The following RGPD4 variants were observed in gnomAD, a reference collection of about 807,000 sequenced individuals.
The protein encoded by RGPD4 is RANBP2 like and GRIP domain containing 4.
Under a neutral mutation model 141.1 loss-of-function variants are expected in RGPD4, and 84 were observed. That is an observed-to-expected ratio of 0.60 (90% CI 0.50 to 0.71). The LOEUF is 0.71. Among genes scored for constraint, RGPD4 ranks in the 30% least tolerant of loss-of-function variants. RGPD4 has a pLI of 0.00. For synonymous variants in RGPD4, 298 were observed against 566.8 expected (o/e 0.53, Z 6.74); for missense variants, 918 against 1,622.4 (o/e 0.57, Z 7.46).
chr2:107,859,520 G>A lies in RGPD4; in HGVS notation c.1600G>A (p.Asp534Asn). 2 of 1,611,334 alleles carry A rather than the reference G, an allele frequency of 1.2e-6. No individual in the cohort carries two copies. Among genetic ancestry groups the A allele is most frequent in the Non-Finnish European group, 1.7e-6 (2 of 1,179,810 alleles). Residue 534 changes from aspartate (D) to asparagine (N), a missense_variant, in exon 11 of 23, where the codon GAT becomes AAT. Transcript: ENST00000408999. ...LCTERQKSWW[D>N]AVCTLIHRKA... The stretch of plus-strand genomic sequence containing the variant: ...TACAGAAAGACAAAAATCTTGGTGG[G>A]ATGCGGTTTGTACTCTGATTCACAG...
chr2:107,828,585 C>A (rs1354699980), intron 1 of RGPD4, among the ~76,000 whole-genome samples: 1 of 120,748 alleles, frequency 8.3e-6, no homozygotes, highest in African/African-American at 3.4e-5. Context: ...GTTGAGGCAG[C>A]GGCCTCGACC....
In RGPD4 at chr2:107,880,020, C is replaced by T. The variant is rs766961342; in HGVS notation, c.4977C>T (p.Leu1659=). 6.2e-7 allele frequency: 1 copy of T among 1,611,408 alleles called. No individual in the cohort carries two copies. The highest frequency in any genetic ancestry group is 2.2e-5 in the East Asian group (1 of 44,846). The change falls in exon 21 of 23, where the codon CTC becomes CTT. Residue 1659 remains leucine, a synonymous_variant. Coordinates refer to ENST00000408999, the MANE Select transcript of RGPD4 (RefSeq NM_182588.3). ...CCAAAGAAGAATTGGTTCAGAAGCTCAGTTCCACCACAAAAAGTGCAGATC... is the reference window on the plus strand; with the variant it reads ...CCAAAGAAGAATTGGTTCAGAAGCTTAGTTCCACCACAAAAAGTGCAGATC... The part of the protein sequence containing the change: ...EFTKEELVQK[L]SSTTKSADHL...
At chr2:107,846,385 C>T (rs928723275) in intron 6 of RGPD4, among the ~76,000 whole-genome samples, 9 of 151,860 alleles carry the variant, frequency 5.9e-5, no homozygotes, top group African/African-American at 1.9e-4. Context: ...TTATTTCTGT[C>T]AGTGTTTATT....
intron 21 of RGPD4, among the ~76,000 whole-genome samples, chr2:107,882,363 C>T (rs1675389948): frequency 6.6e-6 from 1 of 151,874 alleles, no homozygotes; most frequent in Admixed American, 6.6e-5. Context: ...TAGCTTAGGA[C>T]AGTGGAGTCC....
chr2:107,861,648 C>A lies in RGPD4; in HGVS notation c.2113C>A (p.Gln705Lys). 1.2e-6 allele frequency: 2 copies of A among 1,608,666 alleles called. No individual in the cohort carries two copies. The highest frequency in any genetic ancestry group is 1.4e-5 in the African/African-American group (1 of 73,714). ...AAATGATGCCCTTTCTCCTGAAGAA[C>A]AAGAAGAATGCAAAAATTATCTGAG... ...IANDALSPEE[Q>K]EECKNYLRKT... The change falls in exon 15 of 23, where the codon CAA becomes AAA. Residue 705 changes from glutamine to lysine, a missense_variant. Physicochemically the swap from Gln to Lys is moderately conservative, Grantham distance 53 (BLOSUM62 1). Transcript: ENST00000408999.
In RGPD4 at chr2:107,872,136, G is replaced by T. The variant is rs1027299920; in HGVS notation, c.4132G>T (p.Gly1378Cys). ...DKDVGQWKER[G>C]IGDIKILQNY... ...AGATGTTGGTCAATGGAAAGAAAGG[G>T]GCATTGGTGATATAAAGATTTTACA... The change falls in exon 20 of 23, where the codon GGC becomes TGC. Residue 1378 changes from glycine (G) to cysteine (C), a missense_variant. Coordinates refer to ENST00000408999, the MANE Select transcript of RGPD4 (RefSeq NM_182588.3). 2 of 1,611,352 alleles carry T rather than the reference G, an allele frequency of 1.2e-6. 1 individual carries two copies. Among genetic ancestry groups the T allele is most frequent in the African/African-American group, 2.7e-5 (2 of 74,452 alleles).
chr2:107,885,569 C>T (rs1366823076), intron 22 of RGPD4, among the ~76,000 whole-genome samples: 1 of 151,884 alleles, frequency 6.6e-6, no homozygotes, highest in Admixed American at 6.6e-5. Flanking sequence ...CATTGGAAAC[C>T]CAGAACTCTA....
rs766685809 is a variant in RGPD4 at position 107,871,627 on chromosome 2, T to G, written c.3623T>G (p.Phe1208Cys). 60 of 1,602,240 alleles carry G rather than the reference T, an allele frequency of 3.7e-5. 1 individual carries two copies. In the African/African-American group the frequency reaches 6.0e-4, roughly 16 times the overall value. Residue 1208 changes from phenylalanine (F) to cysteine (C), a missense_variant, in exon 20 of 23, where the codon TTT becomes TGT. Phe to Cys is a radical substitution (Grantham distance 205, BLOSUM62 -2). Transcript: ENST00000408999. ...AGTGGACTGAAAGATTTCAAAACAT[T>G]TTTGACAAATGATCAAACAAAAGTC... ...MKSGLKDFKT[F>C]LTNDQTKVTE...
At position 107,872,112 on chromosome 2, in the gene RGPD4, G is replaced by C. The variant is rs759337331; in HGVS notation, c.4108G>C (p.Asp1370His). The C allele has an allele frequency of 6.4e-5, 103 of 1,611,190 alleles. No homozygotes were observed. In the Admixed American group the frequency reaches 1.7e-3, roughly 26 times the overall value. The change falls in exon 20 of 23, where the codon GAT becomes CAT. Residue 1370 changes from aspartate (D) to histidine (H), a missense_variant. Asp to His is a moderately conservative substitution (Grantham distance 81). Coordinates refer to ENST00000408999, the MANE Select transcript of RGPD4 (RefSeq NM_182588.3). ...HRAELYRYDK[D>H]VGQWKERGIG... ...GGCAGAACTCTACAGATATGATAAA[G>C]ATGTTGGTCAATGGAAAGAAAGGGG... is the stretch of plus-strand genomic sequence containing the variant.
chr2:107,859,562 G>C lies in RGPD4; in HGVS notation c.1634+8G>C. ...GATTCACAGAAAAGCAGTGTAAGTAGTAAAACAAAAATATTGCTTTCACTT... is the reference window on the plus strand; with the variant it reads ...GATTCACAGAAAAGCAGTGTAAGTACTAAAACAAAAATATTGCTTTCACTT... On this transcript the variant is annotated splice_region_variant and intron_variant, in intron 11 of 22. Transcript: ENST00000408999. 3 of 1,611,486 alleles carry C rather than the reference G, an allele frequency of 1.9e-6. No homozygotes were observed. The highest frequency in any genetic ancestry group is 2.3e-4 in the Middle Eastern group (1 of 4,428).
Position 107,871,235 on chromosome 2 carries a change from G to A in RGPD4, c.3231G>A (p.Trp1077Ter), listed in dbSNP as rs1259819312. The change falls in exon 20 of 23, where the codon TGG becomes TGA. Residue 1077 changes from tryptophan (W) to a stop codon, truncating the protein, a stop_gained. Coordinates refer to ENST00000408999, the MANE Select transcript of RGPD4 (RefSeq NM_182588.3). LOFTEE classifies it high-confidence loss of function. ...GATTTGATGCTGAGGTAAGGCAGTGGAAAGAAAGGGGCTTGGGGAACTTAA... is the reference window on the plus strand; with the variant it reads ...GATTTGATGCTGAGGTAAGGCAGTGAAAAGAAAGGGGCTTGGGGAACTTAA... ...LFRFDAEVRQ[W>*]KERGLGNLKI... 2 of 1,609,250 alleles carry A rather than the reference G, an allele frequency of 1.2e-6. No individual in the cohort carries two copies. The highest frequency in any genetic ancestry group is 1.7e-6 in the Non-Finnish European group (2 of 1,179,614).
rs1682927700 is a variant in RGPD4 at position 107,871,717 on chromosome 2, C to T, written c.3713C>T (p.Pro1238Leu). The change falls in exon 20 of 23, where the codon CCC becomes CTC. Residue 1238 changes from proline to leucine, a missense_variant. Coordinates refer to ENST00000408999, the MANE Select transcript of RGPD4 (RefSeq NM_182588.3). ...GGTGCCTCAGACACAACAATAAAAC[C>T]CAATCCTGAAAACACTGGGCCCACA... is the stretch of plus-strand genomic sequence containing the variant. ...AAGASDTTIK[P>L]NPENTGPTLE... The T allele has an allele frequency of 1.2e-6, 2 of 1,610,376 alleles. No homozygotes were observed. The highest frequency in any genetic ancestry group is 2.2e-5 in the East Asian group (1 of 44,868).
At chr2:107,845,423 C>T (rs1048882521) in intron 6 of RGPD4, among the ~76,000 whole-genome samples, 1 of 150,222 alleles carries the variant, frequency 6.7e-6, no homozygotes, top group Non-Finnish European at 1.5e-5. Flanking sequence ...AGCCCTTGGC[C>T]CTCAGAGGGG....
Position 107,872,733 on chromosome 2 carries a change from T to A in RGPD4, c.4729T>A (p.Ser1577Thr). ...TTTGTTTGGATTTAGTTTTAATGCA[T>A]CTTTGAAAAGTAACAACAGTGAAAC... ...GSLFGFSFNA[S>T]LKSNNSETSS... The change falls in exon 20 of 23, where the codon TCT becomes ACT. Residue 1577 changes from serine to threonine, a missense_variant. Coordinates refer to ENST00000408999, the MANE Select transcript of RGPD4 (RefSeq NM_182588.3). 6.2e-7 allele frequency: 1 copy of A among 1,611,636 alleles called. No individual in the cohort carries two copies. The highest frequency in any genetic ancestry group is 8.5e-7 in the Non-Finnish European group (1 of 1,179,860).
chr2:107,859,716 T>G lies in RGPD4; in HGVS notation c.1635-6T>G, dbSNP rs770193262. On this transcript the variant is annotated splice_polypyrimidine_tract_variant and splice_region_variant and intron_variant, in intron 11 of 22. Transcript: ENST00000408999. ...AGCAATTTTAGTAAATTGAACTATT[T>G]TTTAGACCTGGAAACTCAGCAAAAT... is the stretch of plus-strand genomic sequence containing the variant. The G allele has an allele frequency of 4.3e-6, 7 of 1,611,342 alleles. No individual in the cohort carries two copies. Among genetic ancestry groups the G allele is most frequent in the Non-Finnish European group, 5.1e-6 (6 of 1,179,838 alleles).
Position 107,871,061 on chromosome 2 carries a change from T to C in RGPD4, c.3057T>C (p.Gly1019=), listed in dbSNP as rs1573518223. 5 of 1,611,120 alleles carry C rather than the reference T, an allele frequency of 3.1e-6. No homozygotes were observed. The East Asian group carries it at 1.1e-4, about 36-fold the overall frequency. The part of the protein sequence containing the change: ...GKMANKANTS[G]DFEKDDDAYK... The stretch of plus-strand genomic sequence containing the variant: ...TGGCCAATAAAGCAAACACTTCCGG[T>C]GACTTTGAGAAAGATGATGATGCCT... Residue 1019 remains glycine (G), a synonymous_variant, in exon 20 of 23, where the codon GGT becomes GGC. Coordinates refer to ENST00000408999, the MANE Select transcript of RGPD4 (RefSeq NM_182588.3).
chr2:107,871,664 AAAT>A lies in RGPD4; in HGVS notation c.3663_3665del (p.Asn1221del), dbSNP rs1210253679. 6 of 1,608,498 alleles carry A rather than the reference AAAT, an allele frequency of 3.7e-6. No homozygotes were observed. The African/African-American group carries it at 4.1e-5, about 11-fold the overall frequency. On this transcript the variant is annotated inframe_deletion, in exon 20 of 23. Transcript: ENST00000408999. Reference sequence around the variant, plus strand: ...ATCAAACAAAAGTCACTGAGGAAGAAAATAAGGGTTCAGGTACAGGTGCGGCCG... The same window carrying A: ...ATCAAACAAAAGTCACTGAGGAAGAAAAGGGTTCAGGTACAGGTGCGGCCG...
chr2:107,880,129 A>G (rs561189923), intron 21 of RGPD4, 22 bp downstream of exon 21: 4 of 1,611,458 alleles, frequency 2.5e-6, no homozygotes, highest in South Asian at 1.1e-5. Flanking sequence ...AAACCTGGCC[A>G]CCATGAAAAC....
chr2:107,827,609 G>T (rs868663315), intron 1 of RGPD4, among the ~76,000 whole-genome samples: 1 of 53,626 alleles, frequency 1.9e-5, no homozygotes. Context: ...CCCGGCGGCG[G>T]CCTCGATGGC....
Sources: gnomAD v4.1 joint callset for allele counts (sites outside exome capture counted in the v4.1 genomes callset) on GRCh38, gnomAD v4.1.1 for gene constraint, MANE v1.5 for transcripts, NCBI Gene and HGNC (gene_info 2026-07-23, HGNC 2026-07-21) for gene names.